Variants in DIRAS2 observed in about 807,000 individuals in gnomAD.
DIRAS2 encodes the protein GTP-binding protein Di-Ras2.
DIRAS2 carries 5 observed loss-of-function variants against 13.9 expected under a neutral mutation model. The ratio of observed to expected loss-of-function variants is 0.36; its 90% confidence interval spans 0.19 to 0.76. The LOEUF (loss-of-function observed/expected upper bound fraction) is 0.76, where lower values mean the gene tolerates loss of function less well. DIRAS2 is among the 30% of genes least tolerant of loss of function. The pLI, the probability that DIRAS2 is intolerant of heterozygous loss-of-function variation, is 0.53. For synonymous variants in DIRAS2, 111 were observed against 105.4 expected (o/e 1.05, Z -0.33); for missense variants, 191 against 263.0 (o/e 0.73, Z 1.89).
rs370332203 is a variant in DIRAS2, at chr9:90,613,258, C to A, written c.570G>T (p.Glu190Asp). 25 of 1,613,828 alleles carry A rather than the reference C, an allele frequency of 1.5e-5. No individual in the cohort carries two copies. The highest frequency in any genetic ancestry group is 2.0e-5 in the Non-Finnish European group (24 of 1,180,006). The change falls in exon 2 of 2, where the codon GAG (glutamate) becomes GAT (aspartate). Residue 190 changes from glutamate to aspartate, a missense_variant. Physicochemically the swap from Glu to Asp is conservative, Grantham distance 45. Transcript: ENST00000375765. This position sits in a 1 kb window ranked among gnomAD's most constrained non-coding sequence, Gnocchi z 5.6. ...TGATCACGCACTTGCCTTTGAGCTT[C>A]TCTTTCCTTTTCTGCTGCTTGCTCT... ...GKKSKQQKRK[E>D]KLKGKCVIM
At chr9:90,633,459 C>T (rs894767204) in intron 1 of DIRAS2, among the ~76,000 whole-genome samples, 2 of 152,092 alleles carry the variant, frequency 1.3e-5, no homozygotes, top group Non-Finnish European at 2.9e-5. Context: ...CAGGATGCAG[C>T]CCTCCAAGTG....
At position 90,613,997 on chromosome 9, in the gene DIRAS2, A is replaced by T. The variant is rs187695401; in HGVS notation, c.-36-134T>A. 220 of 975,792 alleles carry T rather than the reference A, an allele frequency of 2.3e-4. 5 individuals carry two copies. The East Asian group carries it at 5.7e-3, about 25-fold the overall frequency. The allele number at this position is 975,792 out of a possible 1,614,324, so 60.4% of individuals were successfully genotyped here. On this transcript the variant is annotated intron_variant, in intron 1 of 1. Transcript: ENST00000375765. The surrounding 1 kb of genome is among the most constrained non-coding windows in gnomAD (Gnocchi z 5.6). ...TTAAAATAGCGACAATTCTAAATCC[A>T]ATAAATTTGGTCAATCCGCCGTTTT...
At chr9:90,641,377 C>A (rs891036158) in intron 1 of DIRAS2, among the ~76,000 whole-genome samples, 9 of 152,126 alleles carry the variant, frequency 5.9e-5, no homozygotes, top group African/African-American at 1.9e-4. Context: ...AGCAATACCC[C>A]CTCCTTTCTC....
intron 1 of DIRAS2, among the ~76,000 whole-genome samples, chr9:90,627,185 G>A (rs1196055801): frequency 6.6e-6 from 1 of 152,050 alleles, no homozygotes; most frequent in Non-Finnish European, 1.5e-5. Flanking sequence ...GTGATTGTAC[G>A]CCTCCTGAGG....
chr9:90,628,339 T>C (rs1275620556), intron 1 of DIRAS2, among the ~76,000 whole-genome samples: 1 of 152,194 alleles, frequency 6.6e-6, no homozygotes, highest in Non-Finnish European at 1.5e-5. Flanking sequence ...AATTCTGATA[T>C]TGATTACAAG....
intron 1 of DIRAS2, among the ~76,000 whole-genome samples, chr9:90,636,894 A>G (rs994358248): frequency 6.6e-6 from 1 of 152,206 alleles, no homozygotes; most frequent in Non-Finnish European, 1.5e-5. Context: ...CATTTAATAC[A>G]ACTAACCTAC....
Position 90,636,027 on chromosome 9 carries a change from C to CTTTTTTT in DIRAS2, c.-37+6718_-37+6724dup, listed in dbSNP as rs1172661795. 4.5e-3 allele frequency among the ~76,000 whole-genome samples: 295 copies of CTTTTTTT among 66,264 alleles called. 45 individuals carry two copies. Among genetic ancestry groups the CTTTTTTT allele is most frequent in the East Asian group, 0.01 (18 of 1,742 alleles). The allele number at this position is 66,264 out of a possible 152,430, so 43.5% of individuals were successfully genotyped here. A position where few individuals can be genotyped will look rare whatever the true frequency, so the allele number is the denominator to read the frequency against. On this transcript the variant is annotated intron_variant, in intron 1 of 1. Transcript: ENST00000375765. Reference sequence around the variant, plus strand: ...AGGATAGAGAATACAACTGAATATTCTTTTTTTTTTTTTTTTTTTTTTTTT... The same window carrying CTTTTTTT: ...AGGATAGAGAATACAACTGAATATTCTTTTTTTTTTTTTTTTTTTTTTTTTTTTTTTT...
At chr9:90,637,774 C>T (rs1471489938) in intron 1 of DIRAS2, among the ~76,000 whole-genome samples, 1 of 152,188 alleles carries the variant, frequency 6.6e-6, no homozygotes, top group African/African-American at 2.4e-5. Context: ...GGCTCTCCGG[C>T]TGTGCTTGAA....
chr9:90,625,346 G>A (rs1825258452), intron 1 of DIRAS2, among the ~76,000 whole-genome samples: 1 of 152,132 alleles, frequency 6.6e-6, no homozygotes, highest in Non-Finnish European at 1.5e-5. Flanking sequence ...AAACAATCAT[G>A]AATTATTTTG....
intron 1 of DIRAS2, among the ~76,000 whole-genome samples, chr9:90,631,421 G>C (rs1193651380): frequency 6.6e-6 from 1 of 152,196 alleles, no homozygotes; most frequent in African/African-American, 2.4e-5. Flanking sequence ...GGAGGGTTTT[G>C]AGCAGAGAAG....
intron 1 of DIRAS2, among the ~76,000 whole-genome samples, chr9:90,632,365 G>T (rs1825333118): frequency 6.6e-6 from 1 of 152,040 alleles, no homozygotes; most frequent in Non-Finnish European, 1.5e-5. Context: ...TGCCCTGGTT[G>T]CTCCCACTAC....
rs1220162711 is a variant in DIRAS2, at chr9:90,610,506, C to G, written c.*2722G>C. 2.5e-6 allele frequency: 1 copy of G among 398,600 alleles called. No individual in the cohort carries two copies. Among genetic ancestry groups the G allele is most frequent in the Non-Finnish European group, 4.4e-6 (1 of 226,002 alleles). 24.7% of individuals were successfully genotyped at this position (398,600 alleles called of 1,614,324 possible). On this transcript the variant is annotated 3_prime_UTR_variant, in exon 2 of 2. Transcript: ENST00000375765. Reference sequence around the variant, plus strand: ...CATGCCCAGAGCGCCATCTTCAAAGCAATATTTAATTAAATATTAACTTAT... The same window carrying G: ...CATGCCCAGAGCGCCATCTTCAAAGGAATATTTAATTAAATATTAACTTAT...
intron 1 of DIRAS2, among the ~76,000 whole-genome samples, chr9:90,622,272 ACATT>A (rs1161987802): frequency 2.1e-5 from 3 of 140,556 alleles, no homozygotes; most frequent in Non-Finnish European, 4.8e-5. Flanking sequence ...ATAAATACAT[ACATT>A]CATACATACA....
intron 1 of DIRAS2, among the ~76,000 whole-genome samples, chr9:90,630,689 T>C (rs1196478685): frequency 1.3e-5 from 2 of 152,244 alleles, no homozygotes; most frequent in Admixed American, 6.5e-5. Context: ...TTTTCTTTTA[T>C]ACAAAAAGCG....
rs2118536403 is a variant in DIRAS2, at chr9:90,613,961, G to A, written c.-36-98C>T. On this transcript the variant is annotated intron_variant, in intron 1 of 1. Coordinates refer to ENST00000375765, the MANE Select transcript of DIRAS2 (RefSeq NM_017594.5). This position sits in a 1 kb window ranked among gnomAD's most constrained non-coding sequence, Gnocchi z 5.6. Reference sequence around the variant, plus strand: ...CTCTTTTGATAGCTTAAAAATGGGAGGTGATAACATTTAAAATAGCGACAA... The same window carrying A: ...CTCTTTTGATAGCTTAAAAATGGGAAGTGATAACATTTAAAATAGCGACAA... 2.6e-6 allele frequency: 3 copies of A among 1,175,192 alleles called. No individual in the cohort carries two copies. The highest frequency in any genetic ancestry group is 1.2e-6 in the Non-Finnish European group (1 of 857,366). 72.8% of individuals were successfully genotyped at this position (1,175,192 alleles called of 1,614,324 possible).
In DIRAS2 at chr9:90,611,883, G is replaced by A. The variant is rs535546192; in HGVS notation, c.*1345C>T. The A allele has an allele frequency of 6.6e-6, 1 of 152,230 alleles. No individual in the cohort carries two copies. The highest frequency in any genetic ancestry group is 2.1e-4 in the South Asian group (1 of 4,830). The allele number at this position is 152,230 out of a possible 1,614,324, so 9.4% of individuals were successfully genotyped here. On this transcript the variant is annotated 3_prime_UTR_variant, in exon 2 of 2. Transcript: ENST00000375765. ...GAAGCCAAGTCCAACCAGGCTCTAC[G>A]ATGGCAGAGCAATTAAGCTGAGTGG...
chr9:90,620,135 C>T (rs569906864), intron 1 of DIRAS2, among the ~76,000 whole-genome samples: 1 of 152,050 alleles, frequency 6.6e-6, no homozygotes, highest in South Asian at 2.1e-4. Context: ...ACCGTAAAAC[C>T]CTGCGAATGT....
chr9:90,614,650 T>C (rs1825151397), intron 1 of DIRAS2, among the ~76,000 whole-genome samples: 1 of 152,200 alleles, frequency 6.6e-6, no homozygotes, highest in Admixed American at 6.5e-5. Context: ...CAGGCCATAG[T>C]ATAGATTGTC....
chr9:90,620,084 T>C (rs1825205667), intron 1 of DIRAS2, among the ~76,000 whole-genome samples: 1 of 152,112 alleles, frequency 6.6e-6, no homozygotes, highest in South Asian at 2.1e-4. Flanking sequence ...CAAGGTTTCT[T>C]TGGGGGAAAT....
Sources: allele counts gnomAD v4.1 joint callset (sites outside exome capture counted in the v4.1 genomes callset), GRCh38; gene constraint gnomAD v4.1.1; non-coding constraint Gnocchi (gnomAD v3.1); transcripts MANE v1.5; gene names NCBI Gene and HGNC (gene_info 2026-07-23, HGNC 2026-07-21).